The following LPIN1 variants were observed in gnomAD, a reference collection of about 807,000 sequenced individuals.
The protein encoded by LPIN1 is lipin 1.
Under a neutral mutation model 107.5 loss-of-function variants are expected in LPIN1, and 71 were observed. The observed-to-expected ratio is 0.66, with a 90% CI of 0.55 to 0.80. The LOEUF (loss-of-function observed/expected upper bound fraction) is 0.80. Ranked by LOEUF, LPIN1 falls within the 30% of genes least tolerant of loss-of-function variation. The pLI, the probability that LPIN1 is intolerant of heterozygous loss-of-function variation, is 0.00. For missense variants in LPIN1, 1,043 were observed against 1,160.6 expected, an observed-to-expected ratio of 0.90 and a Z score of 1.47; for synonymous variants, 445 against 452.6, an observed-to-expected ratio of 0.98 and a Z score of 0.21.
rs142276231 is a variant in LPIN1, at chr2:11,821,164, T to G, written c.2621+650T>G. ...CAGCCCAGGCCGACCCTTGTCTTCC[T>G]GCCTTGTCCATTTCAGAGACTACAC... On this transcript the variant is annotated intron_variant, in intron 20 of 20. Transcript: ENST00000674199. Among the ~76,000 whole-genome samples the G allele has an allele frequency of 5.6e-3, 849 of 152,310 alleles. 5 individuals are homozygous for G. Among genetic ancestry groups the G allele is most frequent in the African/African-American group, 0.017 (692 of 41,564 alleles).
intron 6 of LPIN1, among the ~76,000 whole-genome samples, chr2:11,776,866 G>A (rs1672754051): frequency 6.6e-6 from 1 of 152,196 alleles, no homozygotes; most frequent in South Asian, 2.1e-4. Context: ...ATGAAGCTAC[G>A]ATTAATTTGT....
chr2:11,765,803 C>G lies in LPIN1; in HGVS notation c.192+70C>G. The stretch of plus-strand genomic sequence containing the variant: ...GAATGCCCTTGTACTCTGGTGATGC[C>G]ACCTGTCTTGAACTCTCAGACCCAG... On this transcript the variant is annotated intron_variant, in intron 2 of 20. Coordinates refer to ENST00000674199, the MANE Select transcript of LPIN1 (RefSeq NM_001349206.2). The surrounding 1 kb of genome is among the most constrained non-coding windows in gnomAD (Gnocchi z 4.4). 6 of 1,405,032 alleles carry G rather than the reference C, an allele frequency of 4.3e-6. No individual in the cohort carries two copies. Among genetic ancestry groups the G allele is most frequent in the Non-Finnish European group, 5.9e-6 (6 of 1,021,914 alleles). The allele number at this position is 1,405,032 out of a possible 1,614,324, so 87.0% of individuals were successfully genotyped here.
chr2:11,681,069 A>C (rs1029733258), intron 1 of LPIN1, among the ~76,000 whole-genome samples: 2 of 152,336 alleles, frequency 1.3e-5, no homozygotes, highest in African/African-American at 4.8e-5. Context: ...CTGGACTGCA[A>C]ATACAATGGT....
chr2:11,714,764 GC>G (rs1238278453), intron 2 of LPIN1, among the ~76,000 whole-genome samples: 1 of 152,210 alleles, frequency 6.6e-6, no homozygotes, highest in Non-Finnish European at 1.5e-5. Context: ...CCTGGTCCAA[GC>G]CTTGTGGCTA....
chr2:11,798,555 G>A (rs1410848066), intron 14 of LPIN1, among the ~76,000 whole-genome samples: 1 of 151,978 alleles, frequency 6.6e-6, no homozygotes, highest in Non-Finnish European at 1.5e-5. Flanking sequence ...TTCAAATGGG[G>A]CAAAAAATGC....
intron 17 of LPIN1, among the ~76,000 whole-genome samples, chr2:11,812,954 G>C (rs1056462759): frequency 6.6e-6 from 1 of 152,206 alleles, no homozygotes; most frequent in South Asian, 2.1e-4. Flanking sequence ...TGTGGCGTGG[G>C]GGCTGGGGGT....
In LPIN1 at chr2:11,782,471, A is replaced by G. The variant is rs914064641; in HGVS notation, c.1228A>G (p.Thr410Ala). 3 of 1,614,064 alleles carry G rather than the reference A, an allele frequency of 1.9e-6. No individual in the cohort carries two copies. The Admixed American group carries it at 5.0e-5, about 27-fold the overall frequency. ...LKPPSASVVQ[T>A]ANKTDSPSRK... ...ACCCCCCTCTGCCAGTGTAGTCCAGACAGCAAACAAGACGGATTCTCCTTC... is the reference window on the plus strand; with the variant it reads ...ACCCCCCTCTGCCAGTGTAGTCCAGGCAGCAAACAAGACGGATTCTCCTTC... Residue 410 changes from threonine to alanine, a missense_variant, in exon 8 of 21, where the codon ACA becomes GCA. Physicochemically the swap from Thr to Ala is moderately conservative, Grantham distance 58 (BLOSUM62 0). Transcript: ENST00000674199.
chr2:11,717,612 T>G (rs1300728788), intron 2 of LPIN1, among the ~76,000 whole-genome samples: 4 of 152,142 alleles, frequency 2.6e-5, no homozygotes, highest in African/African-American at 9.7e-5. Context: ...TCCTTCTATT[T>G]GGACGACCAT....
intron 1 of LPIN1, among the ~76,000 whole-genome samples, chr2:11,693,339 C>A (rs977633207): frequency 6.6e-6 from 1 of 151,770 alleles, no homozygotes; most frequent in African/African-American, 2.4e-5. Context: ...ATCTGGAGAT[C>A]CCAGAATTTT....
intron 16 of LPIN1, 72 bp from the exon 17 acceptor site, chr2:11,804,998 T>A (rs894140531): frequency 1.2e-5 from 11 of 900,294 alleles, no homozygotes; most frequent in Admixed American, 4.0e-5. Flanking sequence ...TTTTTTTTTT[T>A]ATGAGGCATG....
intron 17 of LPIN1, among the ~76,000 whole-genome samples, chr2:11,812,579 G>A (rs1045078062): frequency 5.3e-4 from 80 of 152,212 alleles, no homozygotes; most frequent in Non-Finnish European, 1.0e-4. Flanking sequence ...AAGTGCCAGC[G>A]CAGATGAGCG....
chr2:11,755,069 C>T (rs1006684324), intron 1 of LPIN1, among the ~76,000 whole-genome samples: 1 of 151,752 alleles, frequency 6.6e-6, no homozygotes, highest in Non-Finnish European at 1.5e-5. Context: ...GGGTTCACGC[C>T]ATTCTCCTGC....
At chr2:11,816,314 A>G (rs886084436) in intron 18 of LPIN1, 1 of 152,240 alleles carries the variant, frequency 6.6e-6, no homozygotes, top group Admixed American at 6.5e-5. Context: ...CTATCATAAC[A>G]GCACTGATCT....
At chr2:11,679,765 G>A (rs1433901738) in intron 1 of LPIN1, among the ~76,000 whole-genome samples, 1 of 152,238 alleles carries the variant, frequency 6.6e-6, no homozygotes, top group African/African-American at 2.4e-5. Context: ...TTTTGCCTTG[G>A]GGGAGGCAGG....
At position 11,815,120 on chromosome 2, in the gene LPIN1, G is replaced by A. The variant is rs398124543; in HGVS notation, c.2282G>A (p.Arg761His). The stretch of plus-strand genomic sequence containing the variant: ...TATAAATTTCTCTACTGTTCTGCCC[G>A]TGCCATCGGGATGGCGGACATGACG... The part of the protein sequence containing the change: ...NGYKFLYCSA[R>H]AIGMADMTRG... The change falls in exon 18 of 21, where the codon CGT (arginine) becomes CAT (histidine). Residue 761 changes from arginine to histidine, a missense_variant. Physicochemically the swap from Arg to His is conservative, Grantham distance 29. Transcript: ENST00000674199. The A allele has an allele frequency of 3.4e-5, 55 of 1,613,972 alleles. No homozygotes were observed. Among genetic ancestry groups the A allele is most frequent in the Non-Finnish European group, 4.2e-5 (49 of 1,179,998 alleles).
intron 1 of LPIN1, chr2:11,713,747 G>GT: frequency 1.4e-6 from 2 of 1,477,388 alleles, no homozygotes; most frequent in Non-Finnish European, 1.8e-6. Context: ...TAATGTTTTT[G>GT]TTTTTCAGAT....
At chr2:11,780,819 A>G (rs1156972510) in intron 7 of LPIN1, among the ~76,000 whole-genome samples, 1 of 152,232 alleles carries the variant, frequency 6.6e-6, no homozygotes, top group Non-Finnish European at 1.5e-5. Context: ...TGGCACCTGT[A>G]GGCCCTCTGA....
chr2:11,762,231 C>T (rs886354708), intron 1 of LPIN1, among the ~76,000 whole-genome samples: 16 of 152,238 alleles, frequency 1.1e-4, no homozygotes, highest in African/African-American at 2.4e-4. Flanking sequence ...CAGGGCAAGG[C>T]GGTGGAGGCG....
At position 11,826,222 on chromosome 2, in the gene LPIN1, G is replaced by A. The variant is rs537384307; in HGVS notation, c.*1431G>A. On this transcript the variant is annotated 3_prime_UTR_variant, in exon 21 of 21. Transcript: ENST00000674199. ...AATCACAGGAGGCAAAAAATGGAAC[G>A]GTTGAATGAAATTTTACTCTTTCTG... is the stretch of plus-strand genomic sequence containing the variant. 1.3e-5 allele frequency: 2 copies of A among 152,652 alleles called. No homozygotes were observed. Among genetic ancestry groups the A allele is most frequent in the African/African-American group, 4.8e-5 (2 of 41,548 alleles). 9.5% of individuals were successfully genotyped at this position (152,652 alleles called of 1,614,324 possible). A position where few individuals can be genotyped will look rare whatever the true frequency, so the allele number is the denominator to read the frequency against.
Sources: allele counts gnomAD v4.1 joint callset (sites outside exome capture counted in the v4.1 genomes callset), GRCh38; gene constraint gnomAD v4.1.1; non-coding constraint Gnocchi (gnomAD v3.1); transcripts MANE v1.5; gene names NCBI Gene and HGNC (gene_info 2026-07-23, HGNC 2026-07-21).